GPLD1: variants seen among roughly 807,000 people sequenced by gnomAD.
The protein encoded by GPLD1 is phosphatidylinositol-glycan-specific phospholipase D.
A neutral mutation model predicts 112.6 loss-of-function variants in GPLD1; 84 were observed. That is an observed-to-expected ratio of 0.75 (90% CI 0.63 to 0.89). The LOEUF (loss-of-function observed/expected upper bound fraction) is 0.89, where lower values mean the gene tolerates loss of function less well. GPLD1 is among the 40% of genes least tolerant of loss of function. The pLI, the probability that GPLD1 is intolerant of heterozygous loss-of-function variation, is 0.00. For missense variants in GPLD1, 1,044 were observed against 1,051.5 expected (o/e 0.99, Z 0.10); for synonymous variants, 386 against 403.8 (o/e 0.96, Z 0.53).
exon 1 of GPLD1, chr6:24,495,194 C>T: frequency 6.6e-7 from 1 of 1,504,338 alleles, no homozygotes; most frequent in African/African-American, 1.4e-5. Flanking sequence ...GCTTCGTGGG[C>T]GGCCGCTGGC....
intron 2 of GPLD1, among the ~76,000 whole-genome samples, chr6:24,484,943 C>G (rs1376937672): frequency 6.6e-6 from 1 of 152,154 alleles, no homozygotes; most frequent in Non-Finnish European, 1.5e-5. Context: ...ATGCTAACCA[C>G]TTATCAAATA....
intron 3 of GPLD1, among the ~76,000 whole-genome samples, chr6:24,477,910 A>T (rs1764075606): frequency 6.6e-6 from 1 of 152,216 alleles, no homozygotes; most frequent in African/African-American, 2.4e-5. Flanking sequence ...ATGCAAAAAA[A>T]CCTAAGTGGA....
Position 24,466,896 on chromosome 6 carries a change from A to C in GPLD1, c.681+16T>G, listed in dbSNP as rs1452737499. On this transcript the variant is annotated intron_variant, in intron 9 of 24. Transcript: ENST00000230036. The stretch of plus-strand genomic sequence containing the variant: ...TCTTTATAATCCTTTAAGATTTGGA[A>C]GAATGACGCCTTTACCTTGGAAACA... 14 of 1,606,870 alleles carry C rather than the reference A, an allele frequency of 8.7e-6. No homozygotes were observed. In the South Asian group the frequency reaches 1.5e-4, roughly 18 times the overall value.
intron 3 of GPLD1, among the ~76,000 whole-genome samples, chr6:24,476,579 T>G (rs994303253): frequency 6.6e-6 from 1 of 152,186 alleles, no homozygotes; most frequent in Non-Finnish European, 1.5e-5. Flanking sequence ...GCTAGAATTG[T>G]TTCCATTTCT....
At chr6:24,485,478 TTC>T (rs1460411670) in intron 2 of GPLD1, among the ~76,000 whole-genome samples, 2 of 137,220 alleles carry the variant, frequency 1.5e-5, no homozygotes, top group Non-Finnish European at 3.3e-5. Flanking sequence ...TTTAAAAAAT[TTC>T]TCAAGTATTT....
intron 24 of GPLD1, among the ~76,000 whole-genome samples, chr6:24,430,640 T>C (rs1193721913): frequency 6.6e-6 from 1 of 152,216 alleles, no homozygotes; most frequent in Non-Finnish European, 1.5e-5. Context: ...TTCTAGTTTG[T>C]TACGACTAAT....
intron 12 of GPLD1, among the ~76,000 whole-genome samples, chr6:24,459,974 C>T (rs1015741533): frequency 1.2e-4 from 18 of 152,256 alleles, no homozygotes; most frequent in African/African-American, 4.3e-4. Flanking sequence ...TCATAGCTCA[C>T]TGTAGCCTTG....
At chr6:24,465,858 A>T (rs930846301) in intron 10 of GPLD1, among the ~76,000 whole-genome samples, 1 of 152,130 alleles carries the variant, frequency 6.6e-6, no homozygotes, top group African/African-American at 2.4e-5. Context: ...TTTACGTTGG[A>T]GTGTGTGTCG....
downstream of GPLD1, chr6:24,424,013 A>G (rs61110476): frequency 0.015 from 2,532 of 167,868 alleles, 59 homozygotes; most frequent in African/African-American, 0.054. Context: ...GAAAAGTGCA[A>G]TTTCATGCTG....
At chr6:24,432,321 G>A (rs1762430846) in intron 24 of GPLD1, among the ~76,000 whole-genome samples, 1 of 151,902 alleles carries the variant, frequency 6.6e-6, no homozygotes, top group African/African-American at 2.4e-5. Flanking sequence ...CTCTGGGCCG[G>A]GTGCAGTGGT....
intron 10 of GPLD1, among the ~76,000 whole-genome samples, chr6:24,465,208 A>AG (rs1561846912): frequency 1.5e-5 from 2 of 131,410 alleles, no homozygotes; most frequent in African/African-American, 6.6e-5. Context: ...AAAAAAAAAA[A>AG]AAAAAGAAAA....
intron 4 of GPLD1, 90 bp downstream of exon 4, chr6:24,476,091 G>T: frequency 1.4e-6 from 1 of 700,546 alleles, no homozygotes. Context: ...AGCCCTTACA[G>T]AGCGGTACAA....
At chr6:24,467,002 A>G in intron 8 of GPLD1, 63 bp from the exon 9 acceptor site, 2 of 1,425,448 alleles carry the variant, frequency 1.4e-6, no homozygotes, top group Non-Finnish European at 2.0e-6. Context: ...TGAAGCAAAT[A>G]ATGAAGAAAA....
intron 24 of GPLD1, among the ~76,000 whole-genome samples, chr6:24,429,951 G>C (rs1186048041): frequency 6.6e-6 from 1 of 152,188 alleles, no homozygotes; most frequent in Non-Finnish European, 1.5e-5. Flanking sequence ...CATGAGGTAC[G>C]GGTGATCAAA....
chr6:24,451,459 C>T (rs559580216), intron 14 of GPLD1, among the ~76,000 whole-genome samples: 19 of 152,340 alleles, frequency 1.2e-4, no homozygotes, highest in African/African-American at 3.8e-4. Flanking sequence ...CTGCCTCAGC[C>T]TCCCGAGTAG....
At chr6:24,495,273 T>A (rs1581800912), upstream of GPLD1, 1 of 1,532,682 alleles carries the variant, frequency 6.5e-7, no homozygotes, top group Non-Finnish European at 8.7e-7. Flanking sequence ...GGTAGCCGAC[T>A]GCGGGGTGCG....
Position 24,477,697 on chromosome 6 carries a change from C to T in GPLD1, c.233-1419G>A, listed in dbSNP as rs371270776. ...ATGAGCTGTGATTGCACCACTGCAC[C>T]CCAGCCTGGGCAACAGAGCAAGACC... On this transcript the variant is annotated intron_variant, in intron 3 of 24. Transcript: ENST00000230036. Among the ~76,000 whole-genome samples, 5 of 151,776 alleles carry T rather than the reference C, an allele frequency of 3.3e-5. No individual in the cohort carries two copies. In the South Asian group the frequency reaches 8.4e-4, roughly 25 times the overall value.
chr6:24,466,370 T>C (rs1388042127), intron 10 of GPLD1, among the ~76,000 whole-genome samples: 2 of 152,040 alleles, frequency 1.3e-5, no homozygotes, highest in African/African-American at 2.4e-5. Flanking sequence ...AAGAAACAAA[T>C]GGAGCACCAC....
intron 24 of GPLD1, among the ~76,000 whole-genome samples, chr6:24,429,973 T>A (rs1433631547): frequency 6.6e-6 from 1 of 152,222 alleles, no homozygotes; most frequent in African/African-American, 2.4e-5. Flanking sequence ...TGGCTGACAG[T>A]ATTTTGGTCA....
Sources: gnomAD v4.1 joint callset for allele counts (sites outside exome capture counted in the v4.1 genomes callset) on GRCh38, gnomAD v4.1.1 for gene constraint, MANE v1.5 for transcripts, NCBI Gene and HGNC (gene_info 2026-07-23, HGNC 2026-07-21) for gene names.